MSRA: variants seen among roughly 807,000 people sequenced by gnomAD.
MSRA encodes methionine sulfoxide reductase A.
A neutral mutation model predicts 31.3 loss-of-function variants in MSRA; 54 were observed. The observed-to-expected ratio is 1.73, with a 90% CI of 1.39 to 2.17. The LOEUF (loss-of-function observed/expected upper bound fraction) is 2.17, where lower values mean the gene tolerates loss of function less well. Ranked by LOEUF, MSRA falls within the 30% of genes most tolerant of loss-of-function variation. MSRA has a pLI of 0.00. For missense variants in MSRA, 507 were observed against 300.9 expected, an observed-to-expected ratio of 1.69 and a Z score of -5.07; for synonymous variants, 169 against 116.5, an observed-to-expected ratio of 1.45 and a Z score of -2.90.
chr8:10,359,827 T>A (rs1294663622), intron 5 of MSRA, among the ~76,000 whole-genome samples: 2 of 152,192 alleles, frequency 1.3e-5, no homozygotes, highest in Non-Finnish European at 2.9e-5. Flanking sequence ...AACAGTGGTC[T>A]TGAGTTTGAG....
chr8:10,329,846 G>A (rs1441877525), intron 5 of MSRA, among the ~76,000 whole-genome samples: 1 of 151,636 alleles, frequency 6.6e-6, no homozygotes, highest in Non-Finnish European at 1.5e-5. Context: ...TTTGAAGAGA[G>A]GTGAAAATTT....
intron 2 of MSRA, among the ~76,000 whole-genome samples, chr8:10,243,170 G>A (rs1420498385): frequency 6.6e-6 from 1 of 152,176 alleles, no homozygotes; most frequent in African/African-American, 2.4e-5. Context: ...GAAGGTTGAA[G>A]GATTCTGGTG....
chr8:10,225,235 T>C (rs193089150), intron 2 of MSRA, among the ~76,000 whole-genome samples: 7 of 152,356 alleles, frequency 4.6e-5, no homozygotes, highest in African/African-American at 1.4e-4. Context: ...CACCCTCCCA[T>C]GTATTCAGTT....
intron 4 of MSRA, among the ~76,000 whole-genome samples, chr8:10,307,472 C>T (rs763572938): frequency 6.6e-4 from 100 of 152,248 alleles, no homozygotes; most frequent in Admixed American, 1.6e-3. Context: ...AGCTGGGGTG[C>T]ATATTTTTAT....
chr8:10,295,174 G>T (rs1800465698), intron 3 of MSRA, among the ~76,000 whole-genome samples: 1 of 152,064 alleles, frequency 6.6e-6, no homozygotes. Flanking sequence ...TGCTTGTCTT[G>T]CTACGTTCTC....
chr8:10,141,473 C>T (rs1563143062), intron 1 of MSRA, among the ~76,000 whole-genome samples: 2 of 152,206 alleles, frequency 1.3e-5, no homozygotes. Context: ...AGCCATCTCC[C>T]CTCCTGCTTC....
intron 5 of MSRA, among the ~76,000 whole-genome samples, chr8:10,369,546 G>C (rs149411300): frequency 6.6e-6 from 1 of 152,176 alleles, no homozygotes; most frequent in Non-Finnish European, 1.5e-5. Context: ...CTTTTGACTT[G>C]TGGTGCTTCA....
At chr8:10,071,565 C>G (rs1285054079) in intron 1 of MSRA, among the ~76,000 whole-genome samples, 1 of 149,488 alleles carries the variant, frequency 6.7e-6, no homozygotes, top group African/African-American at 2.5e-5. Flanking sequence ...CATGTCAAGT[C>G]TAAGAACTCT....
chr8:10,147,286 T>A (rs1335410172), intron 1 of MSRA, among the ~76,000 whole-genome samples: 1 of 152,014 alleles, frequency 6.6e-6, no homozygotes, highest in Non-Finnish European at 1.5e-5. Context: ...TGGAGCAAGA[T>A]GGGAATGTGG....
intron 3 of MSRA, among the ~76,000 whole-genome samples, chr8:10,247,411 T>C (rs1797679279): frequency 6.6e-6 from 1 of 152,232 alleles, no homozygotes. Context: ...CTTTGCACTT[T>C]CTTCCACCAA....
At chr8:10,292,415 C>T (rs1321326891) in intron 3 of MSRA, among the ~76,000 whole-genome samples, 2 of 152,230 alleles carry the variant, frequency 1.3e-5, no homozygotes, top group East Asian at 3.9e-4. Context: ...TCACAGGTTG[C>T]ACCGCATGGG....
chr8:10,412,724 G>C (rs1446073649), intron 5 of MSRA, among the ~76,000 whole-genome samples: 1 of 152,188 alleles, frequency 6.6e-6, no homozygotes, highest in Non-Finnish European at 1.5e-5. Flanking sequence ...AAGGTGCCCA[G>C]CATCATTAGT....
chr8:10,321,659 G>A (rs947336959), intron 5 of MSRA, among the ~76,000 whole-genome samples: 3 of 152,204 alleles, frequency 2.0e-5, no homozygotes, highest in African/African-American at 7.2e-5. Flanking sequence ...TTAAAAGATT[G>A]TGGCTCGTAT....
At chr8:10,102,045 C>G (rs1195034786) in intron 1 of MSRA, among the ~76,000 whole-genome samples, 2 of 152,160 alleles carry the variant, frequency 1.3e-5, no homozygotes, top group Non-Finnish European at 2.9e-5. Context: ...TCCTTTTTCT[C>G]TCACTACTTT....
intron 1 of MSRA, among the ~76,000 whole-genome samples, chr8:10,081,651 G>C (rs1388788975): frequency 6.6e-6 from 1 of 152,052 alleles, no homozygotes; most frequent in Non-Finnish European, 1.5e-5. Context: ...AACGACGCCT[G>C]ACAAATCTTT....
chr8:10,357,719 T>G (rs1479668940), intron 5 of MSRA, among the ~76,000 whole-genome samples: 2 of 152,370 alleles, frequency 1.3e-5, no homozygotes, highest in Non-Finnish European at 1.5e-5. Flanking sequence ...GCAGCATGGA[T>G]GCTTATTGCT....
chr8:10,210,125 A>T (rs761620635), intron 2 of MSRA, among the ~76,000 whole-genome samples: 4 of 152,084 alleles, frequency 2.6e-5, no homozygotes, highest in Non-Finnish European at 5.9e-5. Flanking sequence ...TATCACTGCA[A>T]TGGAAAGGTC....
At chr8:10,241,312 C>T (rs1812392564) in intron 2 of MSRA, among the ~76,000 whole-genome samples, 1 of 152,118 alleles carries the variant, frequency 6.6e-6, no homozygotes, top group East Asian at 1.9e-4. Flanking sequence ...AGCAAAGAAG[C>T]TATGAGACAA....
intron 5 of MSRA, among the ~76,000 whole-genome samples, chr8:10,400,291 G>A (rs1807372429): frequency 6.6e-6 from 1 of 151,684 alleles, no homozygotes; most frequent in Non-Finnish European, 1.5e-5. Flanking sequence ...GGGTGGAGGG[G>A]AGGAGACAAG....
Sources: allele counts gnomAD v4.1 joint callset (sites outside exome capture counted in the v4.1 genomes callset), GRCh38; gene constraint gnomAD v4.1.1; transcripts MANE v1.5; gene names NCBI Gene and HGNC (gene_info 2026-07-23, HGNC 2026-07-21).